The following CDH3 variants were observed in gnomAD, a reference collection of about 807,000 sequenced individuals.
CDH3 encodes the protein cadherin 3, also known as cadherin-3.
A neutral mutation model predicts 82.0 loss-of-function variants in CDH3; 54 were observed. That is an observed-to-expected ratio of 0.66 (90% CI 0.53 to 0.83). The LOEUF (loss-of-function observed/expected upper bound fraction) is 0.83, where lower values mean the gene tolerates loss of function less well. Ranked by LOEUF, CDH3 falls within the 40% of genes least tolerant of loss-of-function variation. The pLI is 0.00. For missense variants in CDH3, 1,054 were observed against 1,084.6 expected (o/e 0.97, Z 0.40); for synonymous variants, 446 against 437.9 (o/e 1.02, Z -0.23).
downstream of CDH3, among the ~76,000 whole-genome samples, chr16:68,732,240 C>CTG (rs1962300461): frequency 6.6e-6 from 1 of 152,092 alleles, no homozygotes; most frequent in Non-Finnish European, 1.5e-5. Flanking sequence ...CCTGATCAGG[C>CTG]TGTAATCCCT....
downstream of CDH3, among the ~76,000 whole-genome samples, chr16:68,701,455 T>A (rs375288680): frequency 3.8e-4 from 58 of 152,206 alleles, no homozygotes; most frequent in African/African-American, 1.3e-3. Context: ...GTGCTGGCCA[T>A]GATGAGGACC....
chr16:68,659,804 CTTT>C (rs71148930), intron 2 of CDH3, among the ~76,000 whole-genome samples: 37 of 131,958 alleles, frequency 2.8e-4, no homozygotes, highest in Non-Finnish European at 4.9e-4. Flanking sequence ...CTTGTAGACC[CTTT>C]TTTTTTTTTT....
intron 1 of CDH3, among the ~76,000 whole-genome samples, chr16:68,713,484 G>A (rs1319456414): frequency 6.6e-6 from 1 of 151,768 alleles, no homozygotes; most frequent in Non-Finnish European, 1.5e-5. Flanking sequence ...CCTCCTCTCG[G>A]TGCCCACCTC....
chr16:68,682,342 T>C lies in CDH3; in HGVS notation c.1037T>C (p.Val346Ala), dbSNP rs748653511. 5.0e-6 allele frequency: 8 copies of C among 1,613,812 alleles called. No individual in the cohort carries two copies. The highest frequency in any genetic ancestry group is 6.8e-6 in the Non-Finnish European group (8 of 1,180,018). Reference protein sequence around the residue: ...HVPENAVGHEVQRLTVTDLDA... With the variant: ...HVPENAVGHEAQRLTVTDLDA... ...CCTGAGAATGCAGTGGGCCATGAGG[T>C]GCAGAGGCTGACGGTCACTGATCTG... Residue 346 changes from valine to alanine, a missense_variant, in exon 9 of 16, where the codon GTG becomes GCG. Physicochemically the swap from Val to Ala is moderately conservative, Grantham distance 64 (BLOSUM62 0). Transcript: ENST00000264012.
At chr16:68,726,308 C>A (rs1489037033) in intron 2 of CDH3, among the ~76,000 whole-genome samples, 1 of 152,200 alleles carries the variant, frequency 6.6e-6, no homozygotes, top group Non-Finnish European at 1.5e-5. Flanking sequence ...GCTCCCCTGA[C>A]CTGTGGCTGT....
At chr16:68,694,161 AAAAT>A (rs113486632) in intron 13 of CDH3, among the ~76,000 whole-genome samples, 15 of 151,830 alleles carry the variant, frequency 9.9e-5, no homozygotes, top group Non-Finnish European at 2.1e-4. Flanking sequence ...CTCTGTTTCA[AAAAT>A]AAATAAATAA....
intron 2 of CDH3, among the ~76,000 whole-genome samples, chr16:68,666,959 C>T (rs1960750015): frequency 6.6e-6 from 1 of 151,992 alleles, no homozygotes; most frequent in African/African-American, 2.4e-5. Context: ...GGTTTTGTCA[C>T]ATCTGGGATG....
At chr16:68,731,445 CACACACGTATATACACATAT>C (rs1962290882), downstream of CDH3, among the ~76,000 whole-genome samples, 6 of 10,346 alleles carry the variant, frequency 5.8e-4, 1 homozygote, top group African/African-American at 2.0e-3. Context: ...TATATATACA[CACACACGTATATACACATAT>C]ATATATACAC....
intron 8 of CDH3, among the ~76,000 whole-genome samples, chr16:68,681,974 C>T (rs1376713089): frequency 2.0e-5 from 3 of 152,362 alleles, no homozygotes; most frequent in African/African-American, 7.2e-5. Context: ...CTTCTTGCCA[C>T]CTTCCTTATT....
intron 15 of CDH3, among the ~76,000 whole-genome samples, chr16:68,697,395 G>A (rs1275607603): frequency 6.6e-6 from 1 of 152,140 alleles, no homozygotes; most frequent in Non-Finnish European, 1.5e-5. Flanking sequence ...TCTGGAGCCA[G>A]ACTACCTGGG....
intron 2 of CDH3, among the ~76,000 whole-genome samples, chr16:68,672,205 T>TAAAC (rs1567444935): frequency 7.0e-6 from 1 of 143,676 alleles, no homozygotes; most frequent in East Asian, 2.0e-4. Flanking sequence ...AAAAAAAAAA[T>TAAAC]AAATAAATAA....
chr16:68,709,537 C>A (rs1255970348), intron 1 of CDH3, among the ~76,000 whole-genome samples: 1 of 152,156 alleles, frequency 6.6e-6, no homozygotes, highest in South Asian at 2.1e-4. Flanking sequence ...CGGCTTACTG[C>A]AACCTCTGCC....
At chr16:68,688,520 G>A (rs1354334733) in intron 12 of CDH3, among the ~76,000 whole-genome samples, 4 of 152,262 alleles carry the variant, frequency 2.6e-5, no homozygotes, top group South Asian at 2.1e-4. Flanking sequence ...GCCGGGAGGC[G>A]GAAGTTGCAG....
At chr16:68,647,904 A>G (rs907028334) in intron 2 of CDH3, among the ~76,000 whole-genome samples, 10 of 152,128 alleles carry the variant, frequency 6.6e-5, no homozygotes, top group African/African-American at 2.4e-4. Context: ...ATTGCTAAGG[A>G]ACAATCACCC....
At chr16:68,691,164 C>G (rs1961562983) in intron 12 of CDH3, among the ~76,000 whole-genome samples, 2 of 151,856 alleles carry the variant, frequency 1.3e-5, no homozygotes, top group Admixed American at 6.6e-5. Context: ...TGCCATCACG[C>G]CTGGCTAATT....
intron 2 of CDH3, chr16:68,722,657 T>C (rs1962177353): frequency 6.6e-6 from 1 of 152,184 alleles, no homozygotes; most frequent in South Asian, 2.1e-4. Context: ...GGGATTTTCA[T>C]GGTTTTAGCA....
chr16:68,711,028 A>G (rs1363651173), intron 1 of CDH3, among the ~76,000 whole-genome samples: 10 of 116,274 alleles, frequency 8.6e-5, no homozygotes, highest in Non-Finnish European at 1.5e-4. Flanking sequence ...GGAGGGGAGG[A>G]GAGAAGGCGA....
rs1026639601 is a variant in CDH3, at chr16:68,706,154, C to T, written c.99+10231C>T. Among the ~76,000 whole-genome samples the T allele has an allele frequency of 2.0e-5, 3 of 151,784 alleles. No individual in the cohort carries two copies. In the South Asian group the frequency reaches 6.3e-4, roughly 32 times the overall value. ...GCCCACATACCAAATGTGTCAAGAT[C>T]GACATCACAAACTCCTAAGTAAAAG... is the stretch of plus-strand genomic sequence containing the variant. On this transcript the variant is annotated intron_variant, in intron 1 of 2. Transcript: ENST00000569080.
At chr16:68,671,630 T>C (rs963407180) in intron 2 of CDH3, among the ~76,000 whole-genome samples, 2 of 148,764 alleles carry the variant, frequency 1.3e-5, no homozygotes, top group Non-Finnish European at 3.0e-5. Context: ...CAAGCGATTC[T>C]CCTGCCTCAG....
Sources: allele counts gnomAD v4.1 joint callset (sites outside exome capture counted in the v4.1 genomes callset), GRCh38; gene constraint gnomAD v4.1.1; transcripts MANE v1.5; gene names NCBI Gene and HGNC (gene_info 2026-07-23, HGNC 2026-07-21).